The following MAP4 variants were observed in gnomAD, a reference collection of about 807,000 sequenced individuals.
MAP4 encodes microtubule associated protein 4.
A neutral mutation model predicts 170.2 loss-of-function variants in MAP4; 76 were observed. The observed-to-expected ratio is 0.45, with a 90% CI of 0.37 to 0.54. MAP4 has a LOEUF of 0.54. Ranked by LOEUF, MAP4 falls within the 20% of genes least tolerant of loss-of-function variation. The pLI, the probability that MAP4 is intolerant of heterozygous loss-of-function variation, is 0.00. For missense variants in MAP4, 2,506 were observed against 2,748.0 expected (o/e 0.91, Z 1.97); for synonymous variants, 909 against 994.5 (o/e 0.91, Z 1.62).
intron 1 of MAP4, among the ~76,000 whole-genome samples, chr3:48,048,235 T>G (rs2100125610): frequency 6.6e-6 from 1 of 152,230 alleles, no homozygotes; most frequent in Non-Finnish European, 1.5e-5. Flanking sequence ...TGCTGTAACC[T>G]GATCATGGTG....
chr3:47,868,443 C>G (rs901733597), intron 16 of MAP4, among the ~76,000 whole-genome samples: 2 of 152,166 alleles, frequency 1.3e-5, no homozygotes, highest in African/African-American at 2.4e-5. Context: ...AGTAGTCACC[C>G]AGAAGCCACG....
At chr3:47,929,434 GAAACA>G (rs1173817244) in intron 3 of MAP4, among the ~76,000 whole-genome samples, 4 of 152,056 alleles carry the variant, frequency 2.6e-5, no homozygotes, top group African/African-American at 9.6e-5. Flanking sequence ...GGTTCAGAAA[GAAACA>G]TACAAAGTTA....
At chr3:48,062,494 T>TAAAAAAAAAAAA (rs1156947592) in intron 1 of MAP4, among the ~76,000 whole-genome samples, 2 of 81,532 alleles carry the variant, frequency 2.5e-5, no homozygotes, top group Non-Finnish European at 4.5e-5. Context: ...GAATGATCAA[T>TAAAAAAAAAAAA]AAAAAAAAAA....
chr3:47,953,746 G>A (rs1288515101), intron 3 of MAP4, among the ~76,000 whole-genome samples: 1 of 152,120 alleles, frequency 6.6e-6, no homozygotes, highest in African/African-American at 2.4e-5. Context: ...GGGCATGGTG[G>A]TTCACACCTG....
At chr3:47,962,798 A>G (rs1429606174) in intron 3 of MAP4, among the ~76,000 whole-genome samples, 1 of 152,246 alleles carries the variant, frequency 6.6e-6, no homozygotes, top group Non-Finnish European at 1.5e-5. Flanking sequence ...GTTGCTCAGC[A>G]CTAACAGCAG....
chr3:47,872,915 C>T (rs1051230378), intron 12 of MAP4, among the ~76,000 whole-genome samples: 1 of 152,170 alleles, frequency 6.6e-6, no homozygotes, highest in Admixed American at 6.5e-5. Context: ...TTGGCTAACA[C>T]GCACCTAGAG....
chr3:47,862,592 G>C (rs1283753289), intron 17 of MAP4, among the ~76,000 whole-genome samples: 1 of 151,498 alleles, frequency 6.6e-6, no homozygotes, highest in African/African-American at 2.4e-5. Context: ...ATTCTCCTGC[G>C]TCAGCCTCCT....
chr3:48,040,594 T>A (rs2100121162), intron 1 of MAP4, among the ~76,000 whole-genome samples: 1 of 147,068 alleles, frequency 6.8e-6, no homozygotes, highest in Non-Finnish European at 1.5e-5. Context: ...TAAGACAGAG[T>A]CTCACTGTCA....
intron 7 of MAP4, 64 bp downstream of exon 7, chr3:47,915,887 C>G: frequency 6.6e-7 from 1 of 1,525,398 alleles, no homozygotes; most frequent in Non-Finnish European, 8.8e-7. Context: ...TGATGTTTGT[C>G]CTTAGTCTTC....
intron 3 of MAP4, among the ~76,000 whole-genome samples, chr3:47,947,382 G>A (rs1177962882): frequency 6.6e-6 from 1 of 152,142 alleles, no homozygotes; most frequent in Non-Finnish European, 1.5e-5. Context: ...CAGCCAGGTA[G>A]GGATTTTGAT....
chr3:47,897,448 T>C (rs369969156), intron 10 of MAP4, among the ~76,000 whole-genome samples: 5 of 152,234 alleles, frequency 3.3e-5, no homozygotes, highest in Non-Finnish European at 7.4e-5. Flanking sequence ...TTTGTGATCA[T>C]TGAAGTACTT....
Position 47,911,728 on chromosome 3 carries a change from TG to T in MAP4, c.2692del (p.Gln898AsnfsTer12), listed in dbSNP as rs2100036055. 6.5e-7 allele frequency: 1 copy of T among 1,536,164 alleles called. No homozygotes were observed. The highest frequency in any genetic ancestry group is 1.4e-5 in the African/African-American group (1 of 73,172). ...LQNQDKKLLK[Q>X]HEYKPQPAPH... is the part of the protein sequence containing the mutation. ...TGCAGGCTGTGGTTTGTATTCATGT[TG>T]CTTCAGCAATTTCTTGTCTTGGTTT... On this transcript the variant is annotated frameshift_variant, in exon 9 of 21. Coordinates refer to ENST00000683076, the MANE Select transcript of MAP4 (RefSeq NM_001385682.1). LOFTEE classifies it high-confidence loss of function. This position sits in a 1 kb window ranked among gnomAD's most constrained non-coding sequence, Gnocchi z 4.0.
At chr3:48,005,930 T>C (rs1033606535) in intron 1 of MAP4, among the ~76,000 whole-genome samples, 1 of 152,106 alleles carries the variant, frequency 6.6e-6, no homozygotes, top group South Asian at 2.1e-4. Context: ...CACTCAACCA[T>C]CAAAGGCAAG....
intron 3 of MAP4, among the ~76,000 whole-genome samples, chr3:47,965,771 T>TTAC (rs2100074489): frequency 6.6e-6 from 1 of 152,186 alleles, no homozygotes; most frequent in Non-Finnish European, 1.5e-5. Flanking sequence ...TAGAAGTTAT[T>TTAC]TACATATTCT....
chr3:47,877,312 C>T (rs1172600349), intron 11 of MAP4, 105 bp downstream of exon 11: 1 of 834,680 alleles, frequency 1.2e-6, no homozygotes, highest in Non-Finnish European at 2.0e-6. Flanking sequence ...AGGACAATAA[C>T]AGCTCAGAAA....
chr3:47,912,492 A>C (rs2100036482), intron 8 of MAP4, 71 bp from the exon 9 acceptor site: 3 of 1,325,818 alleles, frequency 2.3e-6, no homozygotes, highest in Non-Finnish European at 3.0e-6. Flanking sequence ...AACAAACAAA[A>C]AAACCAGACC....
chr3:47,956,456 T>C (rs2100067892), intron 3 of MAP4, among the ~76,000 whole-genome samples: 2 of 152,216 alleles, frequency 1.3e-5, no homozygotes, highest in Admixed American at 1.3e-4. Flanking sequence ...GAAAAATCTT[T>C]CCTTCAGAGG....
intron 1 of MAP4, among the ~76,000 whole-genome samples, chr3:48,071,370 T>C (rs371684848): frequency 6.6e-6 from 1 of 151,464 alleles, no homozygotes; most frequent in Non-Finnish European, 1.5e-5. Flanking sequence ...AGTGAAACCC[T>C]GTCTCTACAA....
intron 2 of MAP4, among the ~76,000 whole-genome samples, chr3:47,983,696 T>C (rs1475995160): frequency 6.6e-6 from 1 of 151,912 alleles, no homozygotes; most frequent in East Asian, 1.9e-4. Context: ...ACAATTCTAT[T>C]TGTATAAAGA....
Sources: allele counts gnomAD v4.1 joint callset (sites outside exome capture counted in the v4.1 genomes callset), GRCh38; gene constraint gnomAD v4.1.1; non-coding constraint Gnocchi (gnomAD v3.1); transcripts MANE v1.5; gene names NCBI Gene and HGNC (gene_info 2026-07-23, HGNC 2026-07-21).